Variants in GRIK2 observed in about 807,000 individuals in gnomAD.
GRIK2 encodes the protein glutamate ionotropic receptor kainate type subunit 2.
In GRIK2, 32 loss-of-function variants were observed where a neutral mutation model predicts 100.3. That is an observed-to-expected ratio of 0.32 (90% confidence interval 0.24 to 0.43). The LOEUF is 0.43. GRIK2 is among the 20% of genes least tolerant of loss of function. The pLI, the probability that GRIK2 is intolerant of heterozygous loss-of-function variation, is 1.00. For synonymous variants in GRIK2, 417 were observed against 389.4 expected, an observed-to-expected ratio of 1.07 and a Z score of -0.83; for missense variants, 843 against 1,114.9, an observed-to-expected ratio of 0.76 and a Z score of 3.47.
chr6:101,642,852 A>G (rs752971356), intron 4 of GRIK2, among the ~76,000 whole-genome samples: 15 of 151,700 alleles, frequency 9.9e-5, no homozygotes, highest in Non-Finnish European at 2.1e-4. Context: ...TCCTACCAAC[A>G]GTGCACAAGA....
intron 12 of GRIK2, among the ~76,000 whole-genome samples, chr6:101,920,815 G>T (rs986427158): frequency 2.0e-5 from 3 of 151,636 alleles, no homozygotes; most frequent in Admixed American, 1.3e-4. Flanking sequence ...GAAGGAAAGT[G>T]TGAAGAATCT....
intron 4 of GRIK2, among the ~76,000 whole-genome samples, chr6:101,636,756 G>T (rs1483773729): frequency 1.3e-5 from 2 of 151,510 alleles, no homozygotes; most frequent in East Asian, 1.9e-4. Context: ...TGCATTTTGG[G>T]GGGGCGGGGA....
intron 5 of GRIK2, among the ~76,000 whole-genome samples, chr6:101,679,750 T>C (rs1771101214): frequency 6.6e-6 from 1 of 152,168 alleles, no homozygotes. Context: ...TTTTGTTTGT[T>C]TGTTTGTTTG....
chr6:101,716,673 A>T lies in GRIK2; in HGVS notation c.951+30320A>T, dbSNP rs575103481. On this transcript the variant is annotated intron_variant, in intron 7 of 16. Transcript: ENST00000369134. ...TAAATGACCAGTTAATGGGTGCAGCACACCAACATGGCACATGTATACATA... is the reference window on the plus strand; with the variant it reads ...TAAATGACCAGTTAATGGGTGCAGCTCACCAACATGGCACATGTATACATA... Among the ~76,000 whole-genome samples, 237 of 151,554 alleles carry T rather than the reference A, an allele frequency of 1.6e-3. 2 individuals carry two copies. The highest frequency in any genetic ancestry group is 5.2e-3 in the African/African-American group (216 of 41,420).
intron 14 of GRIK2, among the ~76,000 whole-genome samples, chr6:101,949,679 TA>T (rs1228462135): frequency 1.3e-5 from 2 of 152,192 alleles, no homozygotes; most frequent in African/African-American, 4.8e-5. Context: ...GCAAAGGACA[TA>T]AACTCATCCT....
At chr6:101,430,875 G>A (rs1451384927) in intron 2 of GRIK2, 2 of 341,742 alleles carry the variant, frequency 5.9e-6, no homozygotes, top group African/African-American at 4.3e-5. Flanking sequence ...CTCCCACTAG[G>A]CAGTGGTGGT....
intron 2 of GRIK2, among the ~76,000 whole-genome samples, chr6:101,615,420 G>C (rs1353193923): frequency 6.6e-6 from 1 of 151,756 alleles, no homozygotes; most frequent in Non-Finnish European, 1.5e-5. Flanking sequence ...TAACTACACA[G>C]GAGTCTCCAG....
intron 7 of GRIK2, among the ~76,000 whole-genome samples, chr6:101,791,608 G>A (rs575896415): frequency 6.6e-6 from 1 of 152,134 alleles, no homozygotes; most frequent in East Asian, 1.9e-4. Flanking sequence ...TACATTTGCT[G>A]AGGAGAGCTT....
At chr6:102,066,645 C>G (rs1404065702) in intron 16 of GRIK2, among the ~76,000 whole-genome samples, 1 of 150,988 alleles carries the variant, frequency 6.6e-6, no homozygotes, top group East Asian at 1.9e-4. Context: ...TAATGGAAGT[C>G]CCACCAATAA....
intron 7 of GRIK2, among the ~76,000 whole-genome samples, chr6:101,734,626 G>C (rs1230851640): frequency 6.6e-6 from 1 of 152,136 alleles, no homozygotes; most frequent in Admixed American, 6.6e-5. Context: ...ATCACAGGGA[G>C]CCTAGAGGTA....
chr6:101,523,145 A>T (rs548684822), intron 2 of GRIK2, among the ~76,000 whole-genome samples: 1 of 152,274 alleles, frequency 6.6e-6, no homozygotes, highest in South Asian at 2.1e-4. Flanking sequence ...ATTTTGAGGA[A>T]ATCCATCTTA....
Position 101,395,522 on chromosome 6 carries a change from A to T in GRIK2, c.-294+1685A>T, listed in dbSNP as rs564473881. ...TGTTGTGCTATAAAGATTATTACAC[A>T]TTTTCTCATACCCCAGCAGGTGGCA... On this transcript the variant is annotated intron_variant, in intron 1 of 16. Transcript: ENST00000369134. 5.9e-5 allele frequency among the ~76,000 whole-genome samples: 9 copies of T among 152,286 alleles called. No individual in the cohort carries two copies. In the East Asian group the frequency reaches 1.7e-3, roughly 29 times the overall value.
intron 9 of GRIK2, among the ~76,000 whole-genome samples, chr6:101,810,772 A>G (rs1781278148): frequency 6.6e-6 from 1 of 152,062 alleles, no homozygotes; most frequent in Admixed American, 6.6e-5. Context: ...TTAACTATTC[A>G]TCATTTGAAG....
intron 2 of GRIK2, among the ~76,000 whole-genome samples, chr6:101,620,825 T>G (rs377555388): frequency 5.0e-4 from 76 of 152,182 alleles, no homozygotes; most frequent in African/African-American, 1.8e-3. Flanking sequence ...CAACAATGAT[T>G]CTTTTGGAGG....
intron 4 of GRIK2, among the ~76,000 whole-genome samples, chr6:101,653,532 C>T (rs1283852745): frequency 6.6e-6 from 1 of 152,130 alleles, no homozygotes; most frequent in Non-Finnish European, 1.5e-5. Flanking sequence ...ATTAAGTTCC[C>T]TCTGCCTGAG....
chr6:101,552,184 A>C (rs1194288030), intron 2 of GRIK2, among the ~76,000 whole-genome samples: 1 of 152,122 alleles, frequency 6.6e-6, no homozygotes, highest in African/African-American at 2.4e-5. Flanking sequence ...GCACAAATCA[A>C]CTCAGAAATT....
intron 7 of GRIK2, among the ~76,000 whole-genome samples, chr6:101,754,852 TATGG>T (rs1412493514): frequency 6.6e-6 from 1 of 152,174 alleles, no homozygotes; most frequent in African/African-American, 2.4e-5. Context: ...TGTTACTCGG[TATGG>T]ATGGATCATG....
chr6:101,634,245 G>A (rs1373328184), intron 4 of GRIK2, among the ~76,000 whole-genome samples: 1 of 152,076 alleles, frequency 6.6e-6, no homozygotes, highest in Non-Finnish European at 1.5e-5. Context: ...AGGAGATACA[G>A]ATTGTAGAAT....
At chr6:101,639,964 G>A (rs1258907137) in intron 4 of GRIK2, among the ~76,000 whole-genome samples, 1 of 152,122 alleles carries the variant, frequency 6.6e-6, no homozygotes, top group Non-Finnish European at 1.5e-5. Context: ...AAACCCTAAT[G>A]AAAATACAAA....
Sources: allele counts gnomAD v4.1 joint callset (sites outside exome capture counted in the v4.1 genomes callset), GRCh38; gene constraint gnomAD v4.1.1; transcripts MANE v1.5; gene names NCBI Gene and HGNC (gene_info 2026-07-23, HGNC 2026-07-21).